The following DDHD1 variants were observed in gnomAD, a reference collection of about 807,000 sequenced individuals.
The protein encoded by DDHD1 is phospholipase DDHD1.
A neutral mutation model predicts 96.4 loss-of-function variants in DDHD1; 49 were observed. The observed-to-expected ratio is 0.51, with a 90% CI of 0.40 to 0.64. The LOEUF is 0.64. Among genes scored for constraint, DDHD1 ranks in the 30% least tolerant of loss-of-function variants. The pLI, the probability that DDHD1 is intolerant of heterozygous loss-of-function variation, is 0.00. For missense variants in DDHD1, 1,106 were observed against 1,161.2 expected, an observed-to-expected ratio of 0.95 and a Z score of 0.69; for synonymous variants, 442 against 446.5, an observed-to-expected ratio of 0.99 and a Z score of 0.13.
chr14:53,072,680 C>G lies in DDHD1; in HGVS notation c.1420G>C (p.Asp474His). The change falls in exon 6 of 13, where the codon GAC becomes CAC. Residue 474 changes from aspartate to histidine, a missense_variant. This residue lies in a region of DDHD1 where 650 missense variants were observed against 758.8 expected (regional missense o/e 0.86). Coordinates refer to ENST00000673822, the MANE Select transcript of DDHD1 (RefSeq NM_001160148.2). ...ATATCCCTTAAACCTCGTACTTTGTCAGGAGTAATGGAATCAACAGTGTCT... is the reference window on the plus strand; with the variant it reads ...ATATCCCTTAAACCTCGTACTTTGTGAGGAGTAATGGAATCAACAGTGTCT... Reference protein sequence around the residue: ...DGDTVDSITPDKVRGLRDMLN... With the variant: ...DGDTVDSITPHKVRGLRDMLN... 6.2e-7 allele frequency: 1 copy of G among 1,609,522 alleles called. No individual in the cohort carries two copies. Among genetic ancestry groups the G allele is most frequent in the Non-Finnish European group, 8.5e-7 (1 of 1,177,098 alleles).
intron 1 of DDHD1, among the ~76,000 whole-genome samples, chr14:53,127,184 AAAGTT>A (rs1889517115): frequency 6.6e-6 from 1 of 152,256 alleles, no homozygotes; most frequent in Non-Finnish European, 1.5e-5. Context: ...ACATAGCAAT[AAAGTT>A]GAGTGAGGAA....
chr14:53,058,731 CTT>C (rs1425049183), intron 8 of DDHD1, 105 bp from the exon 9 acceptor site: 7 of 1,016,446 alleles, frequency 6.9e-6, no homozygotes, highest in South Asian at 1.9e-5. Context: ...AATAAAATAT[CTT>C]TGAGTATATT....
intron 11 of DDHD1, chr14:53,052,901 T>C (rs1882726190): frequency 6.6e-6 from 1 of 151,940 alleles, no homozygotes. Flanking sequence ...AATACAGCTA[T>C]GCACCTCTAC....
chr14:53,152,244 C>A lies in DDHD1; in HGVS notation c.838+17G>T. ...CAGGGGCAGCCCGTCCTGCCCTAAC[C>A]CCGGCCCGCTACTCACGGTTCCAGT... On this transcript the variant is annotated intron_variant, in intron 1 of 12. Coordinates refer to ENST00000673822, the MANE Select transcript of DDHD1 (RefSeq NM_001160148.2). 6.3e-7 allele frequency: 1 copy of A among 1,584,248 alleles called. No homozygotes were observed. The highest frequency in any genetic ancestry group is 8.6e-7 in the Non-Finnish European group (1 of 1,163,470).
intron 1 of DDHD1, among the ~76,000 whole-genome samples, chr14:53,122,761 G>A (rs1369711818): frequency 6.6e-6 from 1 of 151,578 alleles, no homozygotes; most frequent in Non-Finnish European, 1.5e-5. Context: ...CAGAGATGGA[G>A]TTTCACTATG....
chr14:53,101,361 GAATAAA>G (rs757907574), intron 2 of DDHD1, among the ~76,000 whole-genome samples: 30 of 151,960 alleles, frequency 2.0e-4, no homozygotes, highest in South Asian at 4.2e-4. Context: ...GTTTAATATT[GAATAAA>G]AATAAAGTGA....
chr14:53,039,171 TTG>T lies in DDHD1; in HGVS notation c.*7595_*7596del, dbSNP rs1881470531. On this transcript the variant is annotated 3_prime_UTR_variant, in exon 13 of 13. Transcript: ENST00000673822. ...ACTTGCTTCAGTTCTCCAGGAACTC[TTG>T]GCTCATTTCTTGTGTATGCTTCCTT... 6.6e-6 allele frequency: 1 copy of T among 152,232 alleles called. No homozygotes were observed. Among genetic ancestry groups the T allele is most frequent in the Admixed American group, 6.5e-5 (1 of 15,274 alleles). 9.4% of individuals were successfully genotyped at this position (152,232 alleles called of 1,614,324 possible).
In DDHD1 at chr14:53,093,336, T is replaced by G; in HGVS notation, c.1121A>C (p.Gln374Pro). ...TTSKIARTVT[Q>P]KLGFSKASSS... The stretch of plus-strand genomic sequence containing the variant: ...ATTACCTTTAGAAAATCCCAGTTTT[T>G]GGGTAACTGTTCTTGCAATTTTAGA... The change falls in exon 3 of 13, where the codon CAA becomes CCA. Residue 374 changes from glutamine (Q) to proline (P), a missense_variant. By Grantham distance (76) the Gln-to-Pro change is moderately conservative. Around this residue, in one of 2 missense-constraint regions of DDHD1, gnomAD observed 650 missense variants for 758.8 expected, o/e 0.86. Coordinates refer to ENST00000673822, the MANE Select transcript of DDHD1 (RefSeq NM_001160148.2). 1.2e-6 allele frequency: 2 copies of G among 1,610,640 alleles called. No homozygotes were observed. The highest frequency in any genetic ancestry group is 2.2e-5 in the South Asian group (2 of 89,656).
In DDHD1 at chr14:53,045,088, C is replaced by T. The variant is rs913677692; in HGVS notation, c.*1680G>A. The stretch of plus-strand genomic sequence containing the variant: ...ACATAGAAATCAAGCAGGGAAACAC[C>T]GGCTTCATGGTCATTTCTCTGAATT... On this transcript the variant is annotated 3_prime_UTR_variant, in exon 13 of 13. Coordinates refer to ENST00000673822, the MANE Select transcript of DDHD1 (RefSeq NM_001160148.2). 1 of 152,140 alleles carries T rather than the reference C, an allele frequency of 6.6e-6. No individual in the cohort carries two copies. The highest frequency in any genetic ancestry group is 2.1e-4 in the South Asian group (1 of 4,828). 9.4% of individuals were successfully genotyped at this position (152,140 alleles called of 1,614,324 possible). A position where few individuals can be genotyped will look rare whatever the true frequency, so the allele number is the denominator to read the frequency against.
At chr14:53,068,016 C>T (rs1884187449) in intron 6 of DDHD1, among the ~76,000 whole-genome samples, 1 of 152,058 alleles carries the variant, frequency 6.6e-6, no homozygotes, top group South Asian at 2.1e-4. Flanking sequence ...GGAATATTCT[C>T]TTCTATAATC....
At position 53,152,442 on chromosome 14, in the gene DDHD1, C is replaced by T. The variant is rs768308854; in HGVS notation, c.657G>A (p.Thr219=). ...DRDGDHVCSP[T]GPASSSGEDD... ...CTTCTCCGGAACTGGAGGCTGGGCC[C>T]GTGGGGGAGCACACATGGTCGCCGT... The change falls in exon 1 of 13, where the codon ACG becomes ACA. Residue 219 remains threonine (T), a synonymous_variant. Coordinates refer to ENST00000673822, the MANE Select transcript of DDHD1 (RefSeq NM_001160148.2). The T allele has an allele frequency of 2.5e-6, 4 of 1,613,552 alleles. No homozygotes were observed. Among genetic ancestry groups the T allele is most frequent in the Non-Finnish European group, 3.4e-6 (4 of 1,179,904 alleles).
chr14:53,094,532 T>G (rs920272102), intron 2 of DDHD1, among the ~76,000 whole-genome samples: 1 of 151,742 alleles, frequency 6.6e-6, no homozygotes, highest in African/African-American at 2.4e-5. Flanking sequence ...TGAGACCCCG[T>G]CTCTTAAAAA....
rs146232115 is a variant in DDHD1, at chr14:53,115,550, A to G, written c.839-11694T>C. Reference sequence around the variant, plus strand: ...TTTCTCTGCAGAAACTTTACAAGCCAGAAGACAGTGGGGGCCAATATTCAA... The same window carrying G: ...TTTCTCTGCAGAAACTTTACAAGCCGGAAGACAGTGGGGGCCAATATTCAA... On this transcript the variant is annotated intron_variant, in intron 1 of 12. Coordinates refer to ENST00000673822, the MANE Select transcript of DDHD1 (RefSeq NM_001160148.2). Among the ~76,000 whole-genome samples the G allele has an allele frequency of 9.6e-4, 147 of 152,364 alleles. 3 individuals carry two copies. Among genetic ancestry groups the G allele is most frequent in the African/African-American group, 3.4e-3 (140 of 41,596 alleles).
intron 2 of DDHD1, chr14:53,096,294 T>A: frequency 1.9e-6 from 1 of 516,008 alleles, no homozygotes. Flanking sequence ...GTTCTAGTAT[T>A]AACTTTAAAA....
chr14:53,133,130 C>A lies in DDHD1; in HGVS notation c.838+19131G>T, dbSNP rs1381640492. Among the ~76,000 whole-genome samples, 20 of 152,218 alleles carry A rather than the reference C, an allele frequency of 1.3e-4. 1 individual carries two copies. Among genetic ancestry groups the A allele is most frequent in the Non-Finnish European group, 7.3e-5 (5 of 68,038 alleles). On this transcript the variant is annotated intron_variant, in intron 1 of 12. Transcript: ENST00000673822. ...CATGGAAATCTATCCTCAGGGAAAT[C>A]ACTTCTCAGTGTTCCATCCACTATT...
At chr14:53,056,040 G>C in intron 9 of DDHD1, 128 bp from the exon 10 acceptor site, 1 of 755,576 alleles carries the variant, frequency 1.3e-6, no homozygotes, top group Non-Finnish European at 2.1e-6. Context: ...AAAAACAATA[G>C]CTATTTCAAA....
At chr14:53,067,050 C>A (rs1235730930) in intron 6 of DDHD1, among the ~76,000 whole-genome samples, 1 of 151,912 alleles carries the variant, frequency 6.6e-6, no homozygotes, top group Non-Finnish European at 1.5e-5. Context: ...CCCAGAATTC[C>A]CAGGATAGTA....
chr14:53,112,897 T>TA (rs1171082780), intron 1 of DDHD1, among the ~76,000 whole-genome samples: 3 of 151,864 alleles, frequency 2.0e-5, no homozygotes, highest in African/African-American at 4.8e-5. Flanking sequence ...TGCCTGAATA[T>TA]AAAAAAAAGA....
chr14:53,119,082 G>A (rs1196935747), intron 1 of DDHD1, among the ~76,000 whole-genome samples: 2 of 152,154 alleles, frequency 1.3e-5, no homozygotes, highest in African/African-American at 4.8e-5. Context: ...AAGTGAAGGA[G>A]AAATAAAATC....
Sources: gnomAD v4.1 joint callset for allele counts (sites outside exome capture counted in the v4.1 genomes callset) on GRCh38, gnomAD v4.1.1 for gene constraint, gnomAD v4.1.1 regional missense constraint, MANE v1.5 for transcripts, NCBI Gene and HGNC (gene_info 2026-07-23, HGNC 2026-07-21) for gene names.